Variants in WIPF2 observed in about 807,000 individuals in gnomAD.
WIPF2 encodes WAS/WASL interacting protein family member 2.
WIPF2 carries 23 observed loss-of-function variants against 38.8 expected under a neutral mutation model. The observed-to-expected ratio is 0.59, with a 90% CI of 0.43 to 0.84. The LOEUF (loss-of-function observed/expected upper bound fraction) is 0.84, where lower values mean the gene tolerates loss of function less well. Ranked by LOEUF, WIPF2 falls within the 40% of genes least tolerant of loss-of-function variation. The probability of loss-of-function intolerance (pLI) is 0.00; values close to 1 mark genes in which losing one functional copy is unlikely to be tolerated. For synonymous variants in WIPF2, 210 were observed against 223.2 expected, an observed-to-expected ratio of 0.94 and a Z score of 0.53; for missense variants, 574 against 580.5, an observed-to-expected ratio of 0.99 and a Z score of 0.11.
intron 1 of WIPF2, among the ~76,000 whole-genome samples, chr17:40,251,965 A>G (rs1483579851): frequency 6.6e-6 from 1 of 152,090 alleles, no homozygotes; most frequent in Non-Finnish European, 1.5e-5. Context: ...TTTTTTATGT[A>G]CTTAATTTTT....
rs1017126363 is a variant in WIPF2 at position 40,267,039 on chromosome 17, TGAG to T, written c.970+1897_970+1899del. On this transcript the variant is annotated intron_variant, in intron 5 of 7. Transcript: ENST00000323571. ...GAGGCGAGGGAAGGAGAAGGAGAGT[TGAG>T]GAGAGAGAAGAGGCATGAAATGGTC... Among the ~76,000 whole-genome samples the T allele has an allele frequency of 8.6e-5, 13 of 151,724 alleles. No homozygotes were observed. The South Asian group carries it at 1.0e-3, about 12-fold the overall frequency.
At chr17:40,221,349 T>A (rs942713099) in intron 1 of WIPF2, among the ~76,000 whole-genome samples, 1 of 152,112 alleles carries the variant, frequency 6.6e-6, no homozygotes, top group African/African-American at 2.4e-5. Context: ...AATATAGGTT[T>A]TCTCTGTCCC....
chr17:40,255,588 G>A (rs1160539091), intron 1 of WIPF2, among the ~76,000 whole-genome samples: 8 of 151,316 alleles, frequency 5.3e-5, no homozygotes, highest in Non-Finnish European at 1.5e-5. Flanking sequence ...GCCTCCCAAA[G>A]TGCTGGGATT....
At chr17:40,232,179 A>ATTTTTTTTTTTGTTTTTTTTTTTTT (rs2030773302) in intron 1 of WIPF2, among the ~76,000 whole-genome samples, 1 of 76,056 alleles carries the variant, frequency 1.3e-5, no homozygotes. Context: ...TGCCTGGCTA[A>ATTTTTTTTTTTGTTTTTTTTTTTTT]TTTTTTTTTT....
rs916137415 is a variant in WIPF2 at position 40,252,077 on chromosome 17, A to G, written c.-69-4314A>G. Among the ~76,000 whole-genome samples the G allele has an allele frequency of 2.6e-5, 4 of 152,182 alleles. No individual in the cohort carries two copies. The East Asian group carries it at 7.7e-4, about 29-fold the overall frequency. On this transcript the variant is annotated intron_variant, in intron 1 of 7. Transcript: ENST00000323571. Reference sequence around the variant, plus strand: ...ATAGCTGCAATTATAGGCAAGCGCCACTGATGAATCTGTTTTTCAATTAGA... The same window carrying G: ...ATAGCTGCAATTATAGGCAAGCGCCGCTGATGAATCTGTTTTTCAATTAGA...
rs149652263 is a variant in WIPF2, at chr17:40,275,482, G to T, written c.1180+1483G>T. ...GTTCTGGGATGTAACCCTAAGTAAA[G>T]GTTGTCCATAGGCTATTGTTAGACC... On this transcript the variant is annotated intron_variant, in intron 6 of 7. Transcript: ENST00000323571. 1.1e-3 allele frequency among the ~76,000 whole-genome samples: 168 copies of T among 152,180 alleles called. 2 individuals carry two copies. The highest frequency in any genetic ancestry group is 3.8e-3 in the African/African-American group (157 of 41,508).
chr17:40,269,705 C>T (rs796122919), intron 5 of WIPF2, among the ~76,000 whole-genome samples: 6 of 146,896 alleles, frequency 4.1e-5, no homozygotes, highest in South Asian at 2.2e-4. Flanking sequence ...CCCAGGTTCA[C>T]GCCATTCTCC....
In WIPF2 at chr17:40,255,628, AT is replaced by A. The variant is rs1174598826; in HGVS notation, c.-69-745del. On this transcript the variant is annotated intron_variant, in intron 1 of 7. Transcript: ENST00000323571. Reference sequence around the variant, plus strand: ...GTGTGAGCCACCGTGCCCGGCCTAAATTTTTTTTTTTTTTTTTTGAGACGGA... The same window carrying A: ...GTGTGAGCCACCGTGCCCGGCCTAAATTTTTTTTTTTTTTTTTGAGACGGA... Among the ~76,000 whole-genome samples, 561 of 129,320 alleles carry A rather than the reference AT, an allele frequency of 4.3e-3. 1 individual carries two copies. Among genetic ancestry groups the A allele is most frequent in the South Asian group, 0.01 (42 of 4,080 alleles). The allele number at this position is 129,320 out of a possible 152,430, so 84.8% of individuals were successfully genotyped here. A position where few individuals can be genotyped will look rare whatever the true frequency, so the allele number is the denominator to read the frequency against.
chr17:40,224,133 G>A (rs2030372460), intron 1 of WIPF2, among the ~76,000 whole-genome samples: 1 of 150,942 alleles, frequency 6.6e-6, no homozygotes, highest in Non-Finnish European at 1.5e-5. Context: ...TACCTTTTTG[G>A]TTTGTTTTTT....
chr17:40,265,290 G>A, intron 5 of WIPF2, 144 bp downstream of exon 5: 2 of 1,079,250 alleles, frequency 1.9e-6, no homozygotes, highest in Non-Finnish European at 2.6e-6. Context: ...TGTTGGTAGG[G>A]AAATAGCAAT....
intron 2 of WIPF2, among the ~76,000 whole-genome samples, chr17:40,257,267 G>A (rs1320077019): frequency 4.0e-5 from 6 of 151,854 alleles, no homozygotes; most frequent in Non-Finnish European, 5.9e-5. Flanking sequence ...GTGAGCCACC[G>A]CGCCCGGCTT....
chr17:40,267,272 A>G (rs1204511531), intron 5 of WIPF2, among the ~76,000 whole-genome samples: 1 of 151,978 alleles, frequency 6.6e-6, no homozygotes, highest in East Asian at 1.9e-4. Flanking sequence ...ACTCTAAGGG[A>G]GAGTGGGGCA....
At position 40,280,053 on chromosome 17, in the gene WIPF2, A is replaced by G. The variant is rs1323781799; in HGVS notation, c.*1828A>G. 1.3e-5 allele frequency: 2 copies of G among 152,082 alleles called. No homozygotes were observed. The highest frequency in any genetic ancestry group is 2.9e-5 in the Non-Finnish European group (2 of 68,032). 9.4% of individuals were successfully genotyped at this position (152,082 alleles called of 1,614,324 possible). A position where few individuals can be genotyped will look rare whatever the true frequency, so the allele number is the denominator to read the frequency against. On this transcript the variant is annotated 3_prime_UTR_variant, in exon 8 of 8. Transcript: ENST00000323571. ...TGTCCTTTGCCATCCCCTGGACCAT[A>G]TTAACTCTGGGACAGACCATGATTA... is the stretch of plus-strand genomic sequence containing the variant.
intron 5 of WIPF2, 112 bp downstream of exon 5, chr17:40,265,258 G>A: frequency 4.5e-6 from 6 of 1,326,094 alleles, no homozygotes; most frequent in East Asian, 2.4e-5. Flanking sequence ...GGTTTATTGA[G>A]TACCTTTTTA....
rs140150937 is a variant in WIPF2, at chr17:40,264,956, G to A, written c.780G>A (p.Gly260=). The change falls in exon 5 of 8, where the codon GGG becomes GGA. Residue 260 remains glycine, a synonymous_variant. Coordinates refer to ENST00000323571, the MANE Select transcript of WIPF2 (RefSeq NM_133264.5). ...CTCCGCCTTACCGCCAGCCTCCTGG[G>A]GTCCCCAATGGACCCTCTAGCCCCA... ...PPPPPYRQPP[G]VPNGPSSPTN... 6.2e-7 allele frequency: 1 copy of A among 1,613,902 alleles called. No individual in the cohort carries two copies. Among genetic ancestry groups the A allele is most frequent in the African/African-American group, 1.3e-5 (1 of 74,882 alleles).
At chr17:40,258,042 G>A (rs2031783999) in intron 2 of WIPF2, among the ~76,000 whole-genome samples, 1 of 152,158 alleles carries the variant, frequency 6.6e-6, no homozygotes, top group African/African-American at 2.4e-5. Context: ...TGTTTTAGGA[G>A]TATGTATGAA....
chr17:40,222,671 T>TG, intron 1 of WIPF2, among the ~76,000 whole-genome samples: 2 of 100,730 alleles, frequency 2.0e-5, no homozygotes, highest in African/African-American at 8.5e-5. Flanking sequence ...TTTTTTTTTT[T>TG]TTTTTTTTTT....
chr17:40,276,521 A>AAG (rs2032405632), intron 6 of WIPF2, among the ~76,000 whole-genome samples: 2 of 15,670 alleles, frequency 1.3e-4, no homozygotes, highest in Non-Finnish European at 3.5e-4. Context: ...ACTCCGTCTC[A>AAG]AAAAAAAAAA....
intron 7 of WIPF2, 115 bp downstream of exon 7, chr17:40,277,299 A>G (rs1464669751): frequency 2.3e-6 from 2 of 862,662 alleles, no homozygotes; most frequent in African/African-American, 3.5e-5. Flanking sequence ...CTATAATCCC[A>G]GCACTTTGGG....
Sources: allele counts gnomAD v4.1 joint callset (sites outside exome capture counted in the v4.1 genomes callset), GRCh38; gene constraint gnomAD v4.1.1; transcripts MANE v1.5; gene names NCBI Gene and HGNC (gene_info 2026-07-23, HGNC 2026-07-21).